Variants in UNC5C observed in about 807,000 individuals in gnomAD.
UNC5C encodes the protein unc-5 netrin receptor C, also known as netrin receptor UNC5C.
Under a neutral mutation model 99.8 loss-of-function variants are expected in UNC5C, and 47 were observed. The ratio of observed to expected loss-of-function variants is 0.47; its 90% CI spans 0.37 to 0.60. The LOEUF (loss-of-function observed/expected upper bound fraction) is 0.60. Ranked by LOEUF, UNC5C falls within the 20% of genes least tolerant of loss-of-function variation. The pLI, the probability that UNC5C is intolerant of heterozygous loss-of-function variation, is 0.00. For synonymous variants in UNC5C, 487 were observed against 452.2 expected, an observed-to-expected ratio of 1.08 and a Z score of -0.98; for missense variants, 1,062 against 1,165.9, an observed-to-expected ratio of 0.91 and a Z score of 1.30.
chr4:95,308,837 T>C (rs951669892), intron 2 of UNC5C, among the ~76,000 whole-genome samples: 3 of 149,344 alleles, frequency 2.0e-5, no homozygotes, highest in Non-Finnish European at 3.0e-5. Context: ...AAAACTAATA[T>C]TGTTAAAATG....
At chr4:95,338,719 A>G (rs1393669382) in intron 1 of UNC5C, among the ~76,000 whole-genome samples, 1 of 152,116 alleles carries the variant, frequency 6.6e-6, no homozygotes, top group Admixed American at 6.6e-5. Flanking sequence ...TAAAAATCTT[A>G]CAAATGCATG....
At chr4:95,292,626 T>C (rs1464933696) in intron 3 of UNC5C, among the ~76,000 whole-genome samples, 2 of 152,062 alleles carry the variant, frequency 1.3e-5, no homozygotes, top group South Asian at 2.1e-4. Context: ...AAATGTATGA[T>C]GGTTTAGAAG....
intron 1 of UNC5C, among the ~76,000 whole-genome samples, chr4:95,413,974 C>T (rs1746085011): frequency 6.6e-6 from 1 of 152,162 alleles, no homozygotes. Context: ...GCACTCAGAT[C>T]CAAATGCAGA....
At chr4:95,322,446 G>T (rs1375779596) in intron 2 of UNC5C, among the ~76,000 whole-genome samples, 1 of 152,078 alleles carries the variant, frequency 6.6e-6, no homozygotes, top group Non-Finnish European at 1.5e-5. Flanking sequence ...CCTGTGCTTA[G>T]CACCTTGTTA....
rs2149472752 is a variant in UNC5C at position 95,466,140 on chromosome 4, C to A, written c.124+82594G>T. 2.0e-5 allele frequency among the ~76,000 whole-genome samples: 3 copies of A among 152,290 alleles called. No individual in the cohort carries two copies. In the South Asian group the frequency reaches 6.2e-4, roughly 32 times the overall value. The stretch of plus-strand genomic sequence containing the variant: ...AGTAAGTATGACAATGTATAATTGT[C>A]TAAGCAAAATCCCTGCAAATGACAA... On this transcript the variant is annotated intron_variant, in intron 1 of 15. Coordinates refer to ENST00000453304, the MANE Select transcript of UNC5C (RefSeq NM_003728.4).
chr4:95,547,817 A>G (rs62306032), intron 1 of UNC5C, among the ~76,000 whole-genome samples: 29,442 of 152,204 alleles, frequency 0.19, 3,187 homozygotes, highest in Middle Eastern at 0.29. Context: ...TAGGCGGACA[A>G]GAAGGGAGCC....
At chr4:95,204,937 A>G (rs963179214) in intron 11 of UNC5C, among the ~76,000 whole-genome samples, 4 of 152,194 alleles carry the variant, frequency 2.6e-5, no homozygotes, top group Non-Finnish European at 4.4e-5. Flanking sequence ...TACTGAACCT[A>G]TGCCCCCAGA....
At chr4:95,255,660 A>C (rs1739949374) in intron 4 of UNC5C, among the ~76,000 whole-genome samples, 1 of 152,074 alleles carries the variant, frequency 6.6e-6, no homozygotes, top group Non-Finnish European at 1.5e-5. Flanking sequence ...TCGCTCTTCT[A>C]TTCAAGGGCA....
intron 1 of UNC5C, among the ~76,000 whole-genome samples, chr4:95,418,081 G>A (rs1406146826): frequency 6.6e-6 from 1 of 152,182 alleles, no homozygotes; most frequent in Non-Finnish European, 1.5e-5. Context: ...GTTAGCGAAT[G>A]AGCAAAAAGT....
chr4:95,202,703 G>A lies in UNC5C; in HGVS notation c.2136+28C>T, dbSNP rs763154638. On this transcript the variant is annotated intron_variant, in intron 12 of 15. Coordinates refer to ENST00000453304, the MANE Select transcript of UNC5C (RefSeq NM_003728.4). ...ACCTTGGCTTCCAGGTGGAGGTGAA[G>A]AGGGCAGGCTAGGTGGGAGGCACTT... 6.2e-6 allele frequency: 10 copies of A among 1,604,936 alleles called. No homozygotes were observed. The East Asian group carries it at 2.0e-4, about 32-fold the overall frequency.
intron 1 of UNC5C, among the ~76,000 whole-genome samples, chr4:95,347,165 G>A (rs575427193): frequency 1.3e-5 from 2 of 151,926 alleles, no homozygotes; most frequent in Non-Finnish European, 2.9e-5. Context: ...CCCATTTACA[G>A]TGGCTACAAA....
chr4:95,364,005 T>G (rs1013558065), intron 1 of UNC5C, among the ~76,000 whole-genome samples: 4 of 152,216 alleles, frequency 2.6e-5, no homozygotes, highest in Non-Finnish European at 5.9e-5. Flanking sequence ...CTTTTACATC[T>G]GTGTTTACCA....
At chr4:95,450,422 T>C (rs1747249999) in intron 1 of UNC5C, among the ~76,000 whole-genome samples, 1 of 152,188 alleles carries the variant, frequency 6.6e-6, no homozygotes, top group Non-Finnish European at 1.5e-5. Context: ...TGTGTGTCAC[T>C]ATGAAACTCC....
chr4:95,438,013 T>C (rs946025021), intron 1 of UNC5C, among the ~76,000 whole-genome samples: 5 of 152,086 alleles, frequency 3.3e-5, no homozygotes, highest in Admixed American at 2.0e-4. Context: ...TTCTTTTCCA[T>C]CACTATAACA....
chr4:95,334,885 G>C (rs1743272086), intron 2 of UNC5C, among the ~76,000 whole-genome samples: 1 of 151,904 alleles, frequency 6.6e-6, no homozygotes, highest in Non-Finnish European at 1.5e-5. Flanking sequence ...TTTAATTTTA[G>C]ATAAGAGTTA....
At chr4:95,265,319 T>C (rs1433282222) in intron 4 of UNC5C, among the ~76,000 whole-genome samples, 1 of 152,262 alleles carries the variant, frequency 6.6e-6, no homozygotes, top group East Asian at 1.9e-4. Flanking sequence ...CTGAATATGA[T>C]GTGATCGATT....
Position 95,242,554 on chromosome 4 carries a change from C to T in UNC5C, c.983G>A (p.Cys328Tyr). 6.2e-7 allele frequency: 1 copy of T among 1,605,760 alleles called. No individual in the cohort carries two copies. Among genetic ancestry groups the T allele is most frequent in the Non-Finnish European group, 8.5e-7 (1 of 1,175,718 alleles). Residue 328 changes from cysteine to tyrosine, a missense_variant, in exon 7 of 16, where the codon TGT becomes TAT. Coordinates refer to ENST00000453304, the MANE Select transcript of UNC5C (RefSeq NM_003728.4). ...RWTPWSKWST[C>Y]GTECTHWRRR... is the part of the protein sequence containing the mutation. The stretch of plus-strand genomic sequence containing the variant: ...GCGCCAGTGGGTGCACTCAGTTCCA[C>T]AAGTAGACCACTTGCTCCATGGCGT...
chr4:95,539,189 C>T (rs577178769), intron 1 of UNC5C, among the ~76,000 whole-genome samples: 9 of 152,284 alleles, frequency 5.9e-5, no homozygotes, highest in African/African-American at 2.2e-4. Context: ...GGATTTTACT[C>T]CTGCGTGCAC....
intron 5 of UNC5C, chr4:95,248,614 G>A (rs1203483129): frequency 4.4e-6 from 2 of 450,438 alleles, no homozygotes; most frequent in South Asian, 1.6e-5. Context: ...GTTTCTCAAG[G>A]ACCTTTAATG....
Sources: gnomAD v4.1 joint callset for allele counts (sites outside exome capture counted in the v4.1 genomes callset) on GRCh38, gnomAD v4.1.1 for gene constraint, MANE v1.5 for transcripts, NCBI Gene and HGNC (gene_info 2026-07-23, HGNC 2026-07-21) for gene names.